DNAH5: variants seen among roughly 807,000 people sequenced by gnomAD.
The protein encoded by DNAH5 is dynein axonemal heavy chain 5.
Under a neutral mutation model 518.2 loss-of-function variants are expected in DNAH5, and 372 were observed. That is an observed-to-expected ratio of 0.72 (90% CI 0.66 to 0.78). The LOEUF is 0.78. Ranked by LOEUF, DNAH5 falls within the 30% of genes least tolerant of loss-of-function variation. The pLI, the probability that DNAH5 is intolerant of heterozygous loss-of-function variation, is 0.00. For missense variants in DNAH5, 5,523 were observed against 5,687.0 expected (o/e 0.97, Z 0.93); for synonymous variants, 2,039 against 2,025.9 (o/e 1.01, Z -0.17).
At chr5:13,907,899 T>C (rs1403979564) in intron 12 of DNAH5, among the ~76,000 whole-genome samples, 1 of 152,224 alleles carries the variant, frequency 6.6e-6, no homozygotes, top group Admixed American at 6.5e-5. Context: ...TTAATTGATG[T>C]AGTATTAAAT....
chr5:13,901,503 C>T lies in DNAH5; in HGVS notation c.1801G>A (p.Asp601Asn). 1 of 1,613,688 alleles carries T rather than the reference C, an allele frequency of 6.2e-7. No homozygotes were observed. The highest frequency in any genetic ancestry group is 1.1e-5 in the South Asian group (1 of 91,064). ...LILENYGADI[D>N]MISKLYTKQK... ...TTTGTATACAGCTTTGAAATCATAT[C>T]AATGTCAGCCCCATAGTTCTCAAGG... The change falls in exon 14 of 79, where the codon GAT becomes AAT. Residue 601 changes from aspartate to asparagine, a missense_variant. Asp to Asn is a conservative substitution (Grantham distance 23, BLOSUM62 1). Coordinates refer to ENST00000265104, the MANE Select transcript of DNAH5 (RefSeq NM_001369.3).
intron 68 of DNAH5, among the ~76,000 whole-genome samples, chr5:13,734,136 T>A (rs1459534538): frequency 2.0e-5 from 3 of 152,132 alleles, no homozygotes; most frequent in Non-Finnish European, 4.4e-5. Context: ...AGTGCCCTTA[T>A]AATAGTCACT....
At chr5:14,011,016 G>A (rs917371649) in intron 1 of DNAH5, among the ~76,000 whole-genome samples, 2 of 151,230 alleles carry the variant, frequency 1.3e-5, no homozygotes, top group African/African-American at 4.9e-5. Context: ...AAAAAAAAGA[G>A]CCAGACTAAT....
At chr5:13,793,773 C>T (rs750295643) in intron 48 of DNAH5, 45 bp from the exon 49 acceptor site, 25 of 1,594,492 alleles carry the variant, frequency 1.6e-5, no homozygotes, top group Non-Finnish European at 2.1e-5. Flanking sequence ...TCCTTTCTAT[C>T]CCCGGAGCCT....
intron 44 of DNAH5, among the ~76,000 whole-genome samples, chr5:13,810,900 T>TA (rs200239770): frequency 0.016 from 2,385 of 152,108 alleles, 60 homozygotes; most frequent in African/African-American, 0.052. Flanking sequence ...TATTCAGCCA[T>TA]AAAAAAGAAT....
chr5:13,907,496 A>T (rs1039710670), intron 12 of DNAH5, among the ~76,000 whole-genome samples: 4 of 152,222 alleles, frequency 2.6e-5, no homozygotes, highest in Non-Finnish European at 4.4e-5. Flanking sequence ...TTAATCAAAG[A>T]ATAAAAATTG....
At chr5:13,820,159 T>C in intron 41 of DNAH5, among the ~76,000 whole-genome samples, 187 bp downstream of exon 41, 1 of 149,438 alleles carries the variant, frequency 6.7e-6, no homozygotes, top group Admixed American at 6.6e-5. Context: ...CCTAAAAATG[T>C]TTTTTTTTCT....
intron 51 of DNAH5, 78 bp downstream of exon 51, chr5:13,788,638 A>C (rs2126881450): frequency 8.0e-7 from 1 of 1,255,136 alleles, no homozygotes; most frequent in Non-Finnish European, 1.2e-6. Flanking sequence ...CAACATCCAT[A>C]AACTGAATCT....
chr5:13,794,929 T>C (rs528787111), intron 47 of DNAH5, among the ~76,000 whole-genome samples: 3 of 152,318 alleles, frequency 2.0e-5, no homozygotes, highest in East Asian at 1.9e-4. Flanking sequence ...ATAACGCCAC[T>C]GCACTCCAGC....
intron 1 of DNAH5, among the ~76,000 whole-genome samples, chr5:13,999,216 C>T (rs774238306): frequency 6.6e-6 from 1 of 151,292 alleles, no homozygotes; most frequent in Non-Finnish European, 1.5e-5. Context: ...GTAGTAAGAA[C>T]ATTTAACATG....
intron 47 of DNAH5, among the ~76,000 whole-genome samples, chr5:13,806,914 T>C (rs1258966060): frequency 1.3e-5 from 2 of 152,168 alleles, no homozygotes; most frequent in African/African-American, 2.4e-5. Flanking sequence ...CTTGTTGCAA[T>C]TGAGCATGGG....
At chr5:13,860,045 G>A (rs929463181) in intron 29 of DNAH5, among the ~76,000 whole-genome samples, 2 of 152,076 alleles carry the variant, frequency 1.3e-5, no homozygotes, top group Admixed American at 6.6e-5. Flanking sequence ...CTTCAAATAT[G>A]ATAACACCTG....
In DNAH5 at chr5:13,917,202, T is replaced by G. The variant is rs769979999; in HGVS notation, c.1030A>C (p.Asn344His). The change falls in exon 8 of 79, where the codon AAT becomes CAT. Residue 344 changes from asparagine to histidine, a missense_variant. Transcript: ENST00000265104. ...TCAAGTGTATACAAGTATTTCACATTGTCCTTTGCTTCATTAGTTGCATCA... is the reference window on the plus strand; with the variant it reads ...TCAAGTGTATACAAGTATTTCACATGGTCCTTTGCTTCATTAGTTGCATCA... ...ITDATNEAKD[N>H]VKYLYTLEKC... The G allele has an allele frequency of 6.2e-6, 10 of 1,613,978 alleles. No homozygotes were observed. The East Asian group carries it at 2.2e-4, about 36-fold the overall frequency.
Position 13,690,986 on chromosome 5 carries a change from C to T in DNAH5, c.*998G>A, listed in dbSNP as rs184119517. The T allele has an allele frequency of 6.6e-6, 1 of 152,174 alleles. No individual in the cohort carries two copies. The highest frequency in any genetic ancestry group is 1.9e-4 in the East Asian group (1 of 5,176). 9.4% of individuals were successfully genotyped at this position (152,174 alleles called of 1,614,324 possible). A position where few individuals can be genotyped will look rare whatever the true frequency, so the allele number is the denominator to read the frequency against. On this transcript the variant is annotated 3_prime_UTR_variant, in exon 79 of 79. Transcript: ENST00000265104. ...TTTGCTGTTATAATCACAGTGTGCT[C>T]AATATTTTGTAAACTAAATCTTTCA...
chr5:13,828,201 C>T (rs1215671122), intron 38 of DNAH5, among the ~76,000 whole-genome samples: 1 of 152,124 alleles, frequency 6.6e-6, no homozygotes, highest in African/African-American at 2.4e-5. Context: ...TGTGTCTGAA[C>T]ACTCATAGGA....
chr5:13,907,033 T>C (rs1302601992), intron 12 of DNAH5, among the ~76,000 whole-genome samples: 1 of 152,062 alleles, frequency 6.6e-6, no homozygotes, highest in East Asian at 1.9e-4. Context: ...TCTCCAAAGC[T>C]GCTCTTTGGG....
At chr5:13,736,082 T>C in intron 66 of DNAH5, 150 bp from the exon 67 acceptor site, 1 of 669,090 alleles carries the variant, frequency 1.5e-6, no homozygotes, top group African/African-American at 1.8e-5. Context: ...GCGATATTCA[T>C]TTATTAATAT....
chr5:13,854,466 G>A (rs1156925238), intron 30 of DNAH5, among the ~76,000 whole-genome samples: 1 of 152,018 alleles, frequency 6.6e-6, no homozygotes, highest in Non-Finnish European at 1.5e-5. Context: ...ATCAACTAAT[G>A]GACAAAATAA....
Position 13,901,447 on chromosome 5 carries a change from G to A in DNAH5, c.1857C>T (p.Asn619=). 1 of 1,614,030 alleles carries A rather than the reference G, an allele frequency of 6.2e-7. No homozygotes were observed. ...KQKYDPPLAR[N]QPPIAGKILW... ...AAATCTTTCCAGCGATGGGAGGCTG[G>A]TTTCGAGCCAGAGGAGGATCGTATT... The change falls in exon 14 of 79, where the codon AAC becomes AAT. Residue 619 remains asparagine (N), a synonymous_variant. Transcript: ENST00000265104.
Sources: gnomAD v4.1 joint callset for allele counts (sites outside exome capture counted in the v4.1 genomes callset) on GRCh38, gnomAD v4.1.1 for gene constraint, MANE v1.5 for transcripts, NCBI Gene and HGNC (gene_info 2026-07-23, HGNC 2026-07-21) for gene names.